GLIS1: variants seen among roughly 807,000 people sequenced by gnomAD.
The protein encoded by GLIS1 is GLIS family zinc finger 1.
Under a neutral mutation model 63.8 loss-of-function variants are expected in GLIS1, and 24 were observed. That is an observed-to-expected ratio of 0.38 (90% confidence interval 0.27 to 0.53). The LOEUF is 0.53. GLIS1 is among the 20% of genes least tolerant of loss of function. The probability of loss-of-function intolerance (pLI) is 0.85; values close to 1 mark genes in which losing one functional copy is unlikely to be tolerated. For missense variants in GLIS1, 1,036 were observed against 1,074.1 expected (o/e 0.96, Z 0.50); for synonymous variants, 450 against 482.5 (o/e 0.93, Z 0.88).
chr1:53,583,880 A>G (rs1645109283), intron 4 of GLIS1, among the ~76,000 whole-genome samples: 1 of 152,224 alleles, frequency 6.6e-6, no homozygotes, highest in Non-Finnish European at 1.5e-5. Context: ...ATTATGGGAT[A>G]TGCTTTTCCC....
intron 2 of GLIS1, 63 bp downstream of exon 2, chr1:53,737,743 G>A: frequency 8.1e-7 from 1 of 1,227,206 alleles, no homozygotes; most frequent in Non-Finnish European, 1.0e-6. Context: ...GCACGCGGTG[G>A]CGACGCCGGG....
At chr1:53,684,029 G>A (rs1055754768) in intron 2 of GLIS1, among the ~76,000 whole-genome samples, 2 of 152,186 alleles carry the variant, frequency 1.3e-5, no homozygotes, top group East Asian at 3.9e-4. Flanking sequence ...TATGGGGCTG[G>A]AGTAGAGATG....
intron 4 of GLIS1, among the ~76,000 whole-genome samples, chr1:53,538,325 T>C (rs1182178958): frequency 6.6e-6 from 1 of 152,212 alleles, no homozygotes; most frequent in African/African-American, 2.4e-5. Flanking sequence ...AAGTGGGGCA[T>C]GTGCGGGGAC....
intron 2 of GLIS1, among the ~76,000 whole-genome samples, chr1:53,659,390 C>T (rs1001159740): frequency 1.3e-5 from 2 of 152,154 alleles, no homozygotes; most frequent in African/African-American, 4.8e-5. Context: ...CACTAGTTGT[C>T]CATTCAGCAA....
At chr1:53,654,793 A>G (rs1645946851) in intron 2 of GLIS1, among the ~76,000 whole-genome samples, 1 of 152,144 alleles carries the variant, frequency 6.6e-6, no homozygotes, top group South Asian at 2.1e-4. Flanking sequence ...ACAGATGTGA[A>G]CGCCCAGCAA....
rs184699416 is a variant in GLIS1, at chr1:53,541,555, A to G, written c.1321-11603T>C. 3.4e-3 allele frequency among the ~76,000 whole-genome samples: 517 copies of G among 152,386 alleles called. 4 individuals are homozygous for G. The highest frequency in any genetic ancestry group is 0.012 in the African/African-American group (503 of 41,594). ...GTGGGCACTTAGTAAAGGTAGATGG[A>G]TAAAAACAGTGATGGCCTAGACCCA... is the stretch of plus-strand genomic sequence containing the variant. On this transcript the variant is annotated intron_variant, in intron 4 of 10. Coordinates refer to ENST00000628545, the MANE Select transcript of GLIS1 (RefSeq NM_001367484.1).
At chr1:53,611,592 A>G (rs1645425213) in intron 2 of GLIS1, among the ~76,000 whole-genome samples, 1 of 152,194 alleles carries the variant, frequency 6.6e-6, no homozygotes, top group Non-Finnish European at 1.5e-5. Flanking sequence ...AAGGCAGGTA[A>G]AAGAGGAAAA....
rs11206212 is a variant in GLIS1, at chr1:53,728,249, G to C, written c.259+9557C>G. On this transcript the variant is annotated intron_variant, in intron 2 of 10. Transcript: ENST00000628545. The stretch of plus-strand genomic sequence containing the variant: ...TGAGCTGGGTCTTAAAGAATCAGTA[G>C]GGTCAATCTGGTGGAATGGAAGGGA... Among the ~76,000 whole-genome samples, 3,058 of 152,292 alleles carry C rather than the reference G, an allele frequency of 0.02. 152 individuals carry two copies. The East Asian group carries it at 0.23, about 12-fold the overall frequency.
chr1:53,666,846 C>A (rs909820353), intron 2 of GLIS1, among the ~76,000 whole-genome samples: 2 of 152,162 alleles, frequency 1.3e-5, no homozygotes, highest in East Asian at 3.8e-4. Flanking sequence ...TGCCTCCTTT[C>A]TTAGTGATCT....
chr1:53,732,716 T>C (rs866213845), intron 2 of GLIS1, among the ~76,000 whole-genome samples: 1 of 152,094 alleles, frequency 6.6e-6, no homozygotes, highest in Non-Finnish European at 1.5e-5. Context: ...TGTCTTTGTT[T>C]CTTTAAATAT....
At chr1:53,520,598 G>T (rs1450583020) in intron 7 of GLIS1, 36 bp downstream of exon 7, 5 of 1,569,406 alleles carry the variant, frequency 3.2e-6, no homozygotes, top group Non-Finnish European at 4.3e-6. Context: ...GCCCCTCCTG[G>T]GCTACGCCCC....
Position 53,663,159 on chromosome 1 carries a change from C to G in GLIS1, c.260-62881G>C, listed in dbSNP as rs1052054284. ...ACCCTAGTCCAGACCCCCAGCACCT[C>G]CCATCTCAGCCTGTGTGGCCCCAGC... On this transcript the variant is annotated intron_variant, in intron 2 of 10. Transcript: ENST00000628545. 2.0e-5 allele frequency among the ~76,000 whole-genome samples: 3 copies of G among 152,370 alleles called. No homozygotes were observed. In the East Asian group the frequency reaches 5.8e-4, roughly 29 times the overall value.
At position 53,526,226 on chromosome 1, in the gene GLIS1, A is replaced by G. The variant is rs1644467380; in HGVS notation, c.1483-1339T>C. 6.6e-6 allele frequency among the ~76,000 whole-genome samples: 1 copy of G among 151,962 alleles called. No individual in the cohort carries two copies. Among genetic ancestry groups the G allele is most frequent in the South Asian group, 2.1e-4 (1 of 4,812 alleles). On this transcript the variant is annotated intron_variant, in intron 5 of 10. Transcript: ENST00000628545. This position sits in a 1 kb window ranked among gnomAD's most constrained non-coding sequence, Gnocchi z 4.4. ...ACACCCACGTGGAACTGCCCCCAGG[A>G]CCTCAAGGCAGCTTTGCCCCTGCTG...
intron 2 of GLIS1, among the ~76,000 whole-genome samples, chr1:53,726,342 C>A (rs149548130): frequency 1.3e-5 from 2 of 152,160 alleles, no homozygotes; most frequent in African/African-American, 2.4e-5. Context: ...GATGCTAACA[C>A]CCACTGCGCA....
intron 4 of GLIS1, among the ~76,000 whole-genome samples, chr1:53,536,147 T>C (rs12121497): frequency 0.4 from 60,536 of 151,928 alleles, 13,170 homozygotes; most frequent in Middle Eastern, 0.49. Flanking sequence ...CAGAGAATGA[T>C]ACAGGCACCT....
intron 2 of GLIS1, among the ~76,000 whole-genome samples, chr1:53,709,726 G>A (rs1646626395): frequency 1.3e-5 from 2 of 152,158 alleles, no homozygotes. Flanking sequence ...CCCCCCAGAG[G>A]CAGTTCCCAT....
intron 5 of GLIS1, among the ~76,000 whole-genome samples, chr1:53,525,474 GCTGGGGAGT>G (rs1644457816): frequency 3.8e-5 from 5 of 131,334 alleles, no homozygotes; most frequent in Admixed American, 1.4e-4. Context: ...GGCTGGGGAG[GCTGGGGAGT>G]CTGGCGGGGC....
At chr1:53,603,117 C>T (rs932645028) in intron 2 of GLIS1, among the ~76,000 whole-genome samples, 2 of 152,162 alleles carry the variant, frequency 1.3e-5, no homozygotes, top group African/African-American at 4.8e-5. Flanking sequence ...GCTTCTTCTC[C>T]TCTGGATACA....
At chr1:53,688,871 G>C (rs1646371263) in intron 2 of GLIS1, 1 of 152,230 alleles carries the variant, frequency 6.6e-6, no homozygotes, top group Non-Finnish European at 1.5e-5. Context: ...TCATTTGGGG[G>C]CACCTTGAGG....
Sources: allele counts gnomAD v4.1 joint callset (sites outside exome capture counted in the v4.1 genomes callset), GRCh38; gene constraint gnomAD v4.1.1; non-coding constraint Gnocchi (gnomAD v3.1); transcripts MANE v1.5; gene names NCBI Gene and HGNC (gene_info 2026-07-23, HGNC 2026-07-21).